PMS1: variants seen among roughly 807,000 people sequenced by gnomAD.
PMS1 encodes the protein PMS1 protein homolog 1.
A neutral mutation model predicts 93.1 loss-of-function variants in PMS1; 79 were observed. The observed-to-expected ratio is 0.85, with a 90% CI of 0.71 to 1.02. The LOEUF (loss-of-function observed/expected upper bound fraction) is 1.02. PMS1 is among the 50% of genes least tolerant of loss of function. PMS1 has a pLI of 0.00. For synonymous variants in PMS1, 335 were observed against 363.4 expected, an observed-to-expected ratio of 0.92 and a Z score of 0.89; for missense variants, 1,064 against 1,085.3, an observed-to-expected ratio of 0.98 and a Z score of 0.28.
rs573326577 is a variant in PMS1, at chr2:189,861,508, G to C, written c.1857-2235G>C. Among the ~76,000 whole-genome samples, 16 of 151,702 alleles carry C rather than the reference G, an allele frequency of 1.1e-4. No individual in the cohort carries two copies. In the East Asian group the frequency reaches 3.1e-3, roughly 29 times the overall value. ...CTCATGCCTGTAATCCCAGCACTTT[G>C]GGAGGCCAAGGCAGGTGGATCACCT... On this transcript the variant is annotated intron_variant, in intron 9 of 12. Transcript: ENST00000441310.
chr2:189,855,688 T>A (rs2055246196), intron 9 of PMS1: 1 of 179,746 alleles, frequency 5.6e-6, no homozygotes, highest in South Asian at 1.4e-4. Context: ...TTATTATAAC[T>A]TATAAACTAT....
intron 5 of PMS1, among the ~76,000 whole-genome samples, chr2:189,835,462 T>C (rs1005934014): frequency 6.6e-6 from 1 of 152,220 alleles, no homozygotes; most frequent in African/African-American, 2.4e-5. Context: ...GTGGCTCATA[T>C]TGTTCCTGTG....
intron 1 of PMS1, among the ~76,000 whole-genome samples, chr2:189,786,695 T>C (rs1026025848): frequency 1.1e-4 from 16 of 152,166 alleles, no homozygotes; most frequent in African/African-American, 3.9e-4. Flanking sequence ...TTAAATAGGA[T>C]AATATATATA....
chr2:189,854,784 T>TA lies in PMS1; in HGVS notation c.1517dup (p.Asn506LysfsTer8). On this transcript the variant is annotated frameshift_variant, in exon 9 of 13. Coordinates refer to ENST00000441310, the MANE Select transcript of PMS1 (RefSeq NM_000534.5). LOFTEE classifies it high-confidence loss of function. Reference sequence around the variant, plus strand: ...ATGAGTGGAGCAGGGGAAATATACTTAAAAATTCAGTGGGAGAGAATATTG... The same window carrying TA: ...ATGAGTGGAGCAGGGGAAATATACTTAAAAAATTCAGTGGGAGAGAATATTG... 1 of 1,613,600 alleles carries TA rather than the reference T, an allele frequency of 6.2e-7. No individual in the cohort carries two copies.
At chr2:189,813,722 A>G (rs2051037885) in intron 4 of PMS1, among the ~76,000 whole-genome samples, 1 of 152,242 alleles carries the variant, frequency 6.6e-6, no homozygotes, top group South Asian at 2.1e-4. Flanking sequence ...AATTGATGGC[A>G]CCAGAAGAAA....
At chr2:189,794,081 C>A (rs1322326897) in intron 2 of PMS1, among the ~76,000 whole-genome samples, 1 of 151,998 alleles carries the variant, frequency 6.6e-6, no homozygotes, top group Non-Finnish European at 1.5e-5. Flanking sequence ...ATATAGAAGA[C>A]CGACAGTTCC....
intron 6 of PMS1, among the ~76,000 whole-genome samples, chr2:189,847,494 G>T: frequency 6.6e-6 from 1 of 151,704 alleles, no homozygotes; most frequent in East Asian, 1.9e-4. Flanking sequence ...TAATTTCCAA[G>T]AGTATTTTTT....
intron 4 of PMS1, among the ~76,000 whole-genome samples, chr2:189,811,497 A>G (rs917729743): frequency 1.3e-5 from 2 of 152,284 alleles, no homozygotes; most frequent in Middle Eastern, 3.4e-3. Flanking sequence ...TAGGTGGCTG[A>G]GGCAGGAGAA....
In PMS1 at chr2:189,832,728, C is replaced by T. The variant is rs551811415; in HGVS notation, c.583-11236C>T. ...GAGCCACCACACCTGGTCACGTTTTCTTTAAACAGTATTAAGAAGTACAGA... is the reference window on the plus strand; with the variant it reads ...GAGCCACCACACCTGGTCACGTTTTTTTTAAACAGTATTAAGAAGTACAGA... On this transcript the variant is annotated intron_variant, in intron 5 of 12. Transcript: ENST00000441310. Among the ~76,000 whole-genome samples, 12 of 152,124 alleles carry T rather than the reference C, an allele frequency of 7.9e-5. No homozygotes were observed. In the East Asian group the frequency reaches 2.3e-3, roughly 29 times the overall value.
rs1575228691 is a variant in PMS1 at position 189,843,967 on chromosome 2, G to A, written c.586G>A (p.Val196Ile). ...TCTATATCATTTTTGTCCCTAGGCAGTTATTTGGCAGAAAAGCAGAGTATC... is the reference window on the plus strand; with the variant it reads ...TCTATATCATTTTTGTCCCTAGGCAATTATTTGGCAGAAAAGCAGAGTATC... ...LRIVFVHNKAVIWQKSRVSDH... is the reference protein window; with the variant it reads ...LRIVFVHNKAIIWQKSRVSDH... The change falls in exon 6 of 13, where the codon GTT (valine) becomes ATT (isoleucine). Residue 196 changes from valine (V) to isoleucine (I), a missense_variant. Physicochemically the swap from Val to Ile is conservative, Grantham distance 29. Transcript: ENST00000441310. The A allele has an allele frequency of 6.2e-7, 1 of 1,613,426 alleles. No homozygotes were observed. Among genetic ancestry groups the A allele is most frequent in the East Asian group, 2.2e-5 (1 of 44,846 alleles).
chr2:189,854,808 T>G lies in PMS1; in HGVS notation c.1536T>G (p.Ile512Met). 6.2e-7 allele frequency: 1 copy of G among 1,612,958 alleles called. No individual in the cohort carries two copies. The highest frequency in any genetic ancestry group is 8.5e-7 in the Non-Finnish European group (1 of 1,179,090). Residue 512 changes from isoleucine (I) to methionine (M), a missense_variant, in exon 9 of 13, where the codon ATT becomes ATG. Coordinates refer to ENST00000441310, the MANE Select transcript of PMS1 (RefSeq NM_000534.5). ...NILKNSVGEN[I>M]EPVKILVPEK... is the part of the protein sequence containing the mutation. Reference sequence around the variant, plus strand: ...TTAAAAATTCAGTGGGAGAGAATATTGAACCTGTGAAAATTTTAGTGCCTG... The same window carrying G: ...TTAAAAATTCAGTGGGAGAGAATATGGAACCTGTGAAAATTTTAGTGCCTG...
chr2:189,829,754 GCTA>G (rs1484498353), intron 5 of PMS1, among the ~76,000 whole-genome samples: 1 of 152,062 alleles, frequency 6.6e-6, no homozygotes, highest in Non-Finnish European at 1.5e-5. Context: ...GTTATTCTTC[GCTA>G]CTGATTCTCT....
intron 10 of PMS1, among the ~76,000 whole-genome samples, chr2:189,865,237 A>C (rs1466090462): frequency 6.6e-6 from 1 of 152,120 alleles, no homozygotes; most frequent in East Asian, 1.9e-4. Flanking sequence ...CAAGATCCAC[A>C]TACTACATTT....
At position 189,844,083 on chromosome 2, in the gene PMS1, A is replaced by T. The variant is rs374473894; in HGVS notation, c.699+3A>T. The T allele has an allele frequency of 8.7e-6, 14 of 1,613,386 alleles. No homozygotes were observed. The highest frequency in any genetic ancestry group is 8.5e-7 in the Non-Finnish European group (1 of 1,179,890). On this transcript the variant is annotated splice_donor_region_variant and intron_variant, in intron 6 of 12. Transcript: ENST00000441310. ...AGTACCACTCTGAAGAATCTCAGGT[A>T]TACTGCAAAAACATTCTCAGATAAT...
chr2:189,811,777 T>C (rs1350387326), intron 4 of PMS1, among the ~76,000 whole-genome samples: 1 of 152,188 alleles, frequency 6.6e-6, no homozygotes, highest in African/African-American at 2.4e-5. Flanking sequence ...CAGTAATGTG[T>C]TGGACAGGAG....
chr2:189,786,629 C>T (rs886977907), intron 1 of PMS1, among the ~76,000 whole-genome samples: 1 of 152,114 alleles, frequency 6.6e-6, no homozygotes. Context: ...GTTACCATGC[C>T]TTTAAATCCT....
At chr2:189,841,573 T>C (rs1233256) in intron 5 of PMS1, among the ~76,000 whole-genome samples, 2,201 of 152,194 alleles carry the variant, frequency 0.014, 47 homozygotes, top group African/African-American at 0.05. Flanking sequence ...CATGAGTCTG[T>C]TTACTTCACC....
At position 189,873,566 on chromosome 2, in the gene PMS1, A is replaced by G; in HGVS notation, c.2544A>G (p.Ala848=). The G allele has an allele frequency of 6.3e-7, 1 of 1,597,906 alleles. No individual in the cohort carries two copies. The highest frequency in any genetic ancestry group is 8.6e-7 in the Non-Finnish European group (1 of 1,165,294). The part of the protein sequence containing the change: ...MANCLPFYGV[A]DLKEILNAIL... ...ATTGTCTCCCATTCTATGGAGTAGC[A>G]GATTTAAAAGAAATTCTTAATGCTA... Residue 848 remains alanine, a synonymous_variant, in exon 12 of 13, where the codon GCA becomes GCG. Coordinates refer to ENST00000441310, the MANE Select transcript of PMS1 (RefSeq NM_000534.5).
intron 10 of PMS1, among the ~76,000 whole-genome samples, chr2:189,866,842 C>A (rs1397425211): frequency 6.6e-6 from 1 of 152,180 alleles, no homozygotes; most frequent in East Asian, 1.9e-4. Context: ...GACAGTTTAA[C>A]TGTGGAGCCT....
Sources: allele counts gnomAD v4.1 joint callset (sites outside exome capture counted in the v4.1 genomes callset), GRCh38; gene constraint gnomAD v4.1.1; transcripts MANE v1.5; gene names NCBI Gene and HGNC (gene_info 2026-07-23, HGNC 2026-07-21).